Variants in GNG4 observed in about 807,000 individuals in gnomAD.
GNG4 encodes the protein G protein subunit gamma 4, also known as guanine nucleotide-binding protein G(I)/G(S)/G(O) subunit gamma-4.
A neutral mutation model predicts 5.8 loss-of-function variants in GNG4; 4 were observed. The observed-to-expected ratio is 0.69, with a 90% CI of 0.34 to 1.57. The LOEUF (loss-of-function observed/expected upper bound fraction) is 1.57. Among genes scored for constraint, GNG4 ranks in the 40% most tolerant of loss-of-function variants. The pLI is 0.06. For synonymous variants in GNG4, 29 were observed against 32.9 expected (o/e 0.88, Z 0.41); for missense variants, 96 against 95.1 (o/e 1.01, Z -0.04).
chr1:235,630,459 C>T (rs1282372929), intron 1 of GNG4, among the ~76,000 whole-genome samples: 3 of 152,182 alleles, frequency 2.0e-5, no homozygotes, highest in Non-Finnish European at 2.9e-5. Flanking sequence ...TATCAGATGC[C>T]GTCATCAAGG....
At chr1:235,559,127 C>T (rs1036313673) in intron 3 of GNG4, among the ~76,000 whole-genome samples, 14 of 152,258 alleles carry the variant, frequency 9.2e-5, no homozygotes, top group Middle Eastern at 3.4e-3. Flanking sequence ...TTCTAAGCAA[C>T]GCTGGTCTAT....
intron 3 of GNG4, chr1:235,565,841 C>T (rs148168044): frequency 2.1e-4 from 32 of 152,294 alleles, no homozygotes; most frequent in African/African-American, 7.2e-4. Context: ...CATCATCAGC[C>T]TCACAGGTGA....
At chr1:235,557,963 G>A (rs1216849621) in intron 3 of GNG4, among the ~76,000 whole-genome samples, 1 of 152,152 alleles carries the variant, frequency 6.6e-6, no homozygotes, top group Non-Finnish European at 1.5e-5. Context: ...CCTCCCAAAG[G>A]TGATACTGTA....
At chr1:235,608,299 TC>T (rs1313184007) in intron 1 of GNG4, among the ~76,000 whole-genome samples, 2 of 152,118 alleles carry the variant, frequency 1.3e-5, no homozygotes, top group Non-Finnish European at 2.9e-5. Context: ...ACTTACCATT[TC>T]CTTTTTAAAA....
chr1:235,620,763 C>T (rs1163811494), intron 1 of GNG4, among the ~76,000 whole-genome samples: 1 of 152,194 alleles, frequency 6.6e-6, no homozygotes, highest in Non-Finnish European at 1.5e-5. Context: ...TCTAGATCTC[C>T]TGACCTCGTG....
At chr1:235,641,252 T>C (rs1657319412) in intron 1 of GNG4, among the ~76,000 whole-genome samples, 2 of 151,732 alleles carry the variant, frequency 1.3e-5, no homozygotes. Context: ...TAGCCGGGCA[T>C]GGTGGTGGGC....
intron 1 of GNG4, among the ~76,000 whole-genome samples, chr1:235,597,617 TGTGTGTG>T (rs1688155492): frequency 9.0e-6 from 1 of 110,532 alleles, no homozygotes; most frequent in African/African-American, 3.3e-5. Flanking sequence ...TGTGTGTGTG[TGTGTGTG>T]TGTGTATTTT....
chr1:235,613,528 G>A (rs575405684), intron 1 of GNG4, among the ~76,000 whole-genome samples: 6 of 151,974 alleles, frequency 3.9e-5, no homozygotes, highest in South Asian at 2.1e-4. Context: ...CAGGAGAGTC[G>A]GTGTCAGTCA....
intron 3 of GNG4, among the ~76,000 whole-genome samples, chr1:235,564,190 C>T (rs973020891): frequency 2.0e-5 from 3 of 152,120 alleles, no homozygotes; most frequent in African/African-American, 7.2e-5. Flanking sequence ...GCCACACGTT[C>T]TCATTTATAA....
chr1:235,582,979 C>T lies in GNG4; in HGVS notation c.99+761G>A, dbSNP rs369188656. On this transcript the variant is annotated intron_variant, in intron 3 of 3. Coordinates refer to ENST00000391854, the MANE Select transcript of GNG4 (RefSeq NM_001098722.2). ...TCCATAGAAGGCTTCAGGAGTCGCC[C>T]GTTGCCATGGATTCTGTGTTTTTTG... 1.0e-3 allele frequency among the ~76,000 whole-genome samples: 154 copies of T among 152,248 alleles called. 1 individual carries two copies. The South Asian group carries it at 0.031, about 31-fold the overall frequency.
At chr1:235,613,362 T>A (rs1302652010) in intron 1 of GNG4, among the ~76,000 whole-genome samples, 2 of 152,148 alleles carry the variant, frequency 1.3e-5, no homozygotes, top group Non-Finnish European at 2.9e-5. Context: ...TGTGTCCTAC[T>A]CCCCAGAACC....
chr1:235,587,354 G>T lies in GNG4; in HGVS notation c.-10-3506C>A, dbSNP rs181493551. Among the ~76,000 whole-genome samples, 11 of 80,908 alleles carry T rather than the reference G, an allele frequency of 1.4e-4. No homozygotes were observed. In the East Asian group the frequency reaches 7.3e-3, roughly 54 times the overall value. 53.1% of individuals were successfully genotyped at this position (80,908 alleles called of 152,430 possible). ...GTGTGAGAGCATGTATGAGGGTCAG[G>T]GGTGGGGTGTGTGTGAGTGTGTGTG... is the stretch of plus-strand genomic sequence containing the variant. On this transcript the variant is annotated intron_variant, in intron 2 of 3. Coordinates refer to ENST00000391854, the MANE Select transcript of GNG4 (RefSeq NM_001098722.2).
At chr1:235,614,981 C>G (rs1215520279) in intron 1 of GNG4, 1 of 152,702 alleles carries the variant, frequency 6.5e-6, no homozygotes, top group Admixed American at 6.5e-5. Context: ...CCCACAATTT[C>G]AGTGGCAGTC....
Position 235,648,855 on chromosome 1 carries a change from C to CT in GNG4, c.-123+806dup, listed in dbSNP as rs1307021634. Among the ~76,000 whole-genome samples the CT allele has an allele frequency of 2.6e-5, 4 of 152,202 alleles. No individual in the cohort carries two copies. The highest frequency in any genetic ancestry group is 6.5e-5 in the Admixed American group (1 of 15,276). ...TCATCCACTTTATTACTTGATCAAA[C>CT]TTTAACATTTTCGGGTTTCCTAACA... On this transcript the variant is annotated intron_variant, in intron 1 of 3. Coordinates refer to ENST00000391854, the MANE Select transcript of GNG4 (RefSeq NM_001098722.2). This position sits in a 1 kb window ranked among gnomAD's most constrained non-coding sequence, Gnocchi z 5.0.
chr1:235,587,360 GGTGT>G lies in GNG4; in HGVS notation c.-10-3516_-10-3513del, dbSNP rs71843799. On this transcript the variant is annotated intron_variant, in intron 2 of 3. Transcript: ENST00000391854. ...GAGCATGTATGAGGGTCAGGGGTGGGGTGTGTGTGAGTGTGTGTGTGAGCACGTG... is the reference window on the plus strand; with the variant it reads ...GAGCATGTATGAGGGTCAGGGGTGGGGTGTGAGTGTGTGTGTGAGCACGTG... Among the ~76,000 whole-genome samples, 536 of 89,578 alleles carry G rather than the reference GGTGT, an allele frequency of 6.0e-3. 22 individuals carry two copies. The highest frequency in any genetic ancestry group is 0.023 in the African/African-American group (438 of 18,960). The allele number at this position is 89,578 out of a possible 152,430, so 58.8% of individuals were successfully genotyped here.
intron 2 of GNG4, among the ~76,000 whole-genome samples, chr1:235,592,653 C>T (rs148544666): frequency 2.4e-4 from 36 of 152,254 alleles, no homozygotes; most frequent in Non-Finnish European, 3.4e-4. Flanking sequence ...TCTTTAAATC[C>T]ATCCACGACC....
At chr1:235,620,895 A>G (rs1324642063) in intron 1 of GNG4, among the ~76,000 whole-genome samples, 1 of 152,182 alleles carries the variant, frequency 6.6e-6, no homozygotes, top group Non-Finnish European at 1.5e-5. Context: ...GTTGTTCTAA[A>G]GACTTTTCAC....
At chr1:235,617,061 T>A (rs570066793) in intron 1 of GNG4, among the ~76,000 whole-genome samples, 2 of 152,022 alleles carry the variant, frequency 1.3e-5, no homozygotes, top group African/African-American at 4.8e-5. Flanking sequence ...TGCCGAAAGA[T>A]TTTGAATCCT....
intron 2 of GNG4, among the ~76,000 whole-genome samples, chr1:235,593,185 G>C (rs760365861): frequency 6.6e-6 from 1 of 152,146 alleles, no homozygotes; most frequent in African/African-American, 2.4e-5. Context: ...CTGACCTCAG[G>C]TCATCCACCC....
Sources: gnomAD v4.1 joint callset for allele counts (sites outside exome capture counted in the v4.1 genomes callset) on GRCh38, gnomAD v4.1.1 for gene constraint, Gnocchi (gnomAD v3.1) non-coding constraint, MANE v1.5 for transcripts, NCBI Gene and HGNC (gene_info 2026-07-23, HGNC 2026-07-21) for gene names.